The following CNTNAP2 variants were observed in gnomAD, a reference collection of about 807,000 sequenced individuals.
CNTNAP2 encodes the protein contactin-associated protein-like 2.
CNTNAP2 carries 98 observed loss-of-function variants against 155.2 expected under a neutral mutation model. The observed-to-expected ratio is 0.63, with a 90% CI of 0.54 to 0.75. CNTNAP2 has a LOEUF of 0.75. Among genes scored for constraint, CNTNAP2 ranks in the 30% least tolerant of loss-of-function variants. CNTNAP2 has a pLI of 0.00. For missense variants in CNTNAP2, 1,727 were observed against 1,688.1 expected, an observed-to-expected ratio of 1.02 and a Z score of -0.40; for synonymous variants, 651 against 631.2, an observed-to-expected ratio of 1.03 and a Z score of -0.47.
chr7:147,096,965 TTACTAAGCCTATTTTATGG>T (rs768133217), intron 4 of CNTNAP2, among the ~76,000 whole-genome samples: 55 of 152,308 alleles, frequency 3.6e-4, no homozygotes, highest in Non-Finnish European at 5.6e-4. Context: ...CTTTTGAGCT[TTACTAAGCCTATTTTATGG>T]TTGAGGTAAA....
intron 1 of CNTNAP2, among the ~76,000 whole-genome samples, chr7:146,163,436 A>G (rs960174623): frequency 6.7e-6 from 1 of 148,826 alleles, no homozygotes; most frequent in Non-Finnish European, 1.5e-5. Flanking sequence ...AAAAATACAA[A>G]ACCCCATCTC....
chr7:147,807,322 C>CAAAAAAAAAAAA (rs768465391), intron 13 of CNTNAP2, among the ~76,000 whole-genome samples: 1 of 64,776 alleles, frequency 1.5e-5, no homozygotes, highest in Non-Finnish European at 2.8e-5. Flanking sequence ...GTCCTTGACT[C>CAAAAAAAAAAAA]AAAAAAAAAA....
intron 8 of CNTNAP2, among the ~76,000 whole-genome samples, chr7:147,263,914 C>A (rs985813713): frequency 6.6e-6 from 1 of 152,126 alleles, no homozygotes; most frequent in Non-Finnish European, 1.5e-5. Flanking sequence ...GGGGAAAGAG[C>A]ATGCATGTGT....
chr7:147,757,864 TCTTG>T (rs1797235685), intron 13 of CNTNAP2, among the ~76,000 whole-genome samples: 1 of 152,132 alleles, frequency 6.6e-6, no homozygotes, highest in Admixed American at 6.6e-5. Context: ...CAAGTTGCCG[TCTTG>T]ATTACATAGA....
intron 3 of CNTNAP2, among the ~76,000 whole-genome samples, chr7:146,904,162 C>G (rs945569464): frequency 9.2e-5 from 14 of 152,066 alleles, no homozygotes; most frequent in African/African-American, 3.1e-4. Flanking sequence ...TTTCAGCCAC[C>G]CTGCCTCTAA....
At chr7:147,980,410 A>C (rs1480783703) in intron 15 of CNTNAP2, among the ~76,000 whole-genome samples, 1 of 152,226 alleles carries the variant, frequency 6.6e-6, no homozygotes, top group Admixed American at 6.5e-5. Context: ...GTATACTTAT[A>C]ATTACTGTAA....
intron 15 of CNTNAP2, among the ~76,000 whole-genome samples, chr7:148,075,364 G>A (rs1236968452): frequency 6.6e-6 from 1 of 152,048 alleles, no homozygotes; most frequent in African/African-American, 2.4e-5. Flanking sequence ...TTGAACCCGG[G>A]AGACAGAGAT....
At chr7:146,436,809 A>T (rs1043749795) in intron 1 of CNTNAP2, among the ~76,000 whole-genome samples, 2 of 151,656 alleles carry the variant, frequency 1.3e-5, no homozygotes, top group African/African-American at 4.9e-5. Context: ...AACTATAAAC[A>T]TGTTATTCCG....
At chr7:148,308,520 A>G (rs1482452931) in intron 21 of CNTNAP2, among the ~76,000 whole-genome samples, 1 of 151,248 alleles carries the variant, frequency 6.6e-6, no homozygotes, top group Non-Finnish European at 1.5e-5. Context: ...AAAAGCCTAG[A>G]TTTTATTTTT....
At chr7:147,458,172 G>T (rs982337633) in intron 10 of CNTNAP2, among the ~76,000 whole-genome samples, 2 of 152,192 alleles carry the variant, frequency 1.3e-5, no homozygotes, top group South Asian at 4.1e-4. Context: ...TGTGCATCAA[G>T]AATTCTAATG....
chr7:146,889,731 G>T (rs1795739727), intron 3 of CNTNAP2, among the ~76,000 whole-genome samples: 1 of 151,962 alleles, frequency 6.6e-6, no homozygotes, highest in Non-Finnish European at 1.5e-5. Flanking sequence ...ATAGACTACG[G>T]AGAACACAGA....
intron 14 of CNTNAP2, among the ~76,000 whole-genome samples, chr7:147,929,566 T>C (rs1458876919): frequency 6.6e-6 from 1 of 152,238 alleles, no homozygotes; most frequent in East Asian, 1.9e-4. Flanking sequence ...CATTTAGAGA[T>C]AGACTAATCC....
chr7:147,613,587 C>T (rs1801228381), intron 12 of CNTNAP2, among the ~76,000 whole-genome samples: 1 of 152,018 alleles, frequency 6.6e-6, no homozygotes, highest in Admixed American at 6.6e-5. Context: ...TCTATAATCC[C>T]AGCACTTTGG....
intron 20 of CNTNAP2, among the ~76,000 whole-genome samples, chr7:148,256,994 A>C (rs1796466410): frequency 6.6e-6 from 1 of 152,130 alleles, no homozygotes; most frequent in South Asian, 2.1e-4. Flanking sequence ...AAGAAGCACA[A>C]ATTGATTATT....
intron 1 of CNTNAP2, among the ~76,000 whole-genome samples, chr7:146,254,164 A>AACACAC (rs1563009683): frequency 4.2e-4 from 52 of 124,300 alleles, no homozygotes; most frequent in African/African-American, 2.2e-3. Context: ...CACACACACA[A>AACACAC]GCAAACACAC....
chr7:147,679,556 G>A (rs1341520861), intron 13 of CNTNAP2, among the ~76,000 whole-genome samples: 4 of 151,756 alleles, frequency 2.6e-5, no homozygotes, highest in African/African-American at 2.4e-5. Flanking sequence ...ATAAAAATAG[G>A]CAATATGTTG....
chr7:147,548,798 G>A (rs1411630978), intron 11 of CNTNAP2, among the ~76,000 whole-genome samples: 1 of 152,166 alleles, frequency 6.6e-6, no homozygotes, highest in East Asian at 1.9e-4. Context: ...TGTAAGGAAG[G>A]GGTCCAGTTT....
At chr7:146,899,895 T>C (rs893141122) in intron 3 of CNTNAP2, among the ~76,000 whole-genome samples, 1 of 152,202 alleles carries the variant, frequency 6.6e-6, no homozygotes, top group African/African-American at 2.4e-5. Context: ...TGGGAGCTTT[T>C]GGATATTAAC....
chr7:146,622,144 C>T (rs1004646841), intron 1 of CNTNAP2, among the ~76,000 whole-genome samples: 4 of 135,784 alleles, frequency 2.9e-5, no homozygotes, highest in Non-Finnish European at 6.3e-5. Flanking sequence ...TATATATATA[C>T]ACACACGTAT....
Sources: allele counts gnomAD v4.1 joint callset (sites outside exome capture counted in the v4.1 genomes callset), GRCh38; gene constraint gnomAD v4.1.1; transcripts MANE v1.5; gene names NCBI Gene and HGNC (gene_info 2026-07-23, HGNC 2026-07-21).